Variants in MED14 observed in about 807,000 individuals in gnomAD.
MED14 encodes mediator complex subunit 14, also known as mediator of RNA polymerase II transcription subunit 14.
In MED14, 8 loss-of-function variants were observed where a neutral mutation model predicts 109.0. The ratio of observed to expected loss-of-function variants is 0.07; its 90% confidence interval spans 0.04 to 0.13. MED14 has a LOEUF of 0.13. Among genes scored for constraint, MED14 ranks in the 10% least tolerant of loss-of-function variants. MED14 has a pLI of 1.00. For synonymous variants in MED14, 399 were observed against 408.7 expected (o/e 0.98, Z 0.29); for missense variants, 711 against 1,142.4 (o/e 0.62, Z 5.44).
intron 11 of MED14, 65 bp downstream of exon 11, chrX:40,703,379 T>C: frequency 1.0e-6 from 1 of 983,541 alleles, no homozygotes; most frequent in Non-Finnish European, 1.4e-6. Flanking sequence ...ACAGAAAATG[T>C]TTATTTTGTT....
Position 40,659,347 on chromosome X carries a change from A to G in MED14, c.3865-13T>C, listed in dbSNP as rs1447397259. On this transcript the variant is annotated splice_polypyrimidine_tract_variant and intron_variant, in intron 27 of 30. Transcript: ENST00000324817. ...GTGGTCCTGCAACCTACAGGGATAA[A>G]TAAAGCAAGTTACTCTTCATTCTAC... is the stretch of plus-strand genomic sequence containing the variant. The G allele has an allele frequency of 8.5e-7, 1 of 1,175,681 alleles. No individual in the cohort carries two copies. Among genetic ancestry groups the G allele is most frequent in the African/African-American group, 1.8e-5 (1 of 56,970 alleles).
intron 22 of MED14, 83 bp from the exon 23 acceptor site, chrX:40,672,055 G>C (rs758428088): frequency 9.7e-5 from 49 of 506,471 alleles, no homozygotes; most frequent in Non-Finnish European, 1.5e-4. Context: ...TATAGCTACA[G>C]TGTTAATATT....
At chrX:40,699,551 T>C (rs1398625146) in intron 12 of MED14, among the ~76,000 whole-genome samples, 1 of 112,136 alleles carries the variant, frequency 8.9e-6, no homozygotes, top group African/African-American at 3.2e-5. Context: ...TAAGTTTACA[T>C]ACAGGCACAC....
At chrX:40,677,453 A>AC (rs748654138) in intron 21 of MED14, among the ~76,000 whole-genome samples, 5 of 110,106 alleles carry the variant, frequency 4.5e-5, no homozygotes, top group African/African-American at 1.3e-4. Flanking sequence ...TCAATACCAC[A>AC]CCCCCCCACA....
At chrX:40,730,673 A>C (rs1473489145) in intron 1 of MED14, among the ~76,000 whole-genome samples, 1 of 111,096 alleles carries the variant, frequency 9.0e-6, no homozygotes, top group Non-Finnish European at 1.9e-5. Context: ...TATTCCTCCT[A>C]ATCTATTTGA....
In MED14 at chrX:40,699,205, G is replaced by A. The variant is rs186756575; in HGVS notation, c.1490+1960C>T. ...GATTCTACTTTATATGAAATGACCA[G>A]AAAAGGCAAATAGAAAGTGGATTCA... On this transcript the variant is annotated intron_variant, in intron 12 of 30. Coordinates refer to ENST00000324817, the MANE Select transcript of MED14 (RefSeq NM_004229.4). Among the ~76,000 whole-genome samples, 547 of 112,209 alleles carry A rather than the reference G, an allele frequency of 4.9e-3. 2 individuals carry two copies. The highest frequency in any genetic ancestry group is 0.015 in the African/African-American group (467 of 30,953).
chrX:40,692,446 C>T, intron 14 of MED14, 129 bp from the exon 15 acceptor site: 1 of 552,384 alleles, frequency 1.8e-6, no homozygotes, highest in South Asian at 3.4e-5. Context: ...ATTGTATTTA[C>T]TGAGTAAATA....
chrX:40,685,357 A>G (rs1485425658), intron 16 of MED14, among the ~76,000 whole-genome samples: 1 of 112,140 alleles, frequency 8.9e-6, no homozygotes, highest in Non-Finnish European at 1.9e-5. Context: ...GAGATCACTG[A>G]CAGTGCTAGC....
chrX:40,659,661 T>C, intron 26 of MED14, 54 bp from the exon 27 acceptor site: 1 of 1,098,928 alleles, frequency 9.1e-7, no homozygotes, highest in Non-Finnish European at 1.2e-6. Context: ...AAAATGAAGA[T>C]GTTACTGAGA....
At chrX:40,735,705 A>G, upstream of MED14, 1 of 455,136 alleles carries the variant, frequency 2.2e-6, no homozygotes, top group East Asian at 4.5e-5. Context: ...CAGCTTCGCC[A>G]GACAGCCGCA....
chrX:40,662,775 G>T (rs982427158), intron 26 of MED14, 150 bp downstream of exon 26: 1 of 456,452 alleles, frequency 2.2e-6, no homozygotes. Flanking sequence ...CATTTTTAAT[G>T]CCAGGTTAGG....
chrX:40,668,404 A>AAT (rs1929594997), intron 23 of MED14, among the ~76,000 whole-genome samples: 1 of 109,021 alleles, frequency 9.2e-6, no homozygotes, highest in Non-Finnish European at 1.9e-5. Flanking sequence ...AAAAAAAAAA[A>AAT]ATCAAAGAAA....
chrX:40,716,185 CA>C (rs1446516426), intron 3 of MED14, among the ~76,000 whole-genome samples: 2 of 111,252 alleles, frequency 1.8e-5, no homozygotes, highest in Non-Finnish European at 3.8e-5. Context: ...ATCAAAAAGA[CA>C]AAAAATAACA....
intron 2 of MED14, among the ~76,000 whole-genome samples, chrX:40,728,045 G>C (rs1931948311): frequency 8.9e-6 from 1 of 111,850 alleles, no homozygotes; most frequent in South Asian, 3.7e-4. Context: ...ACAAGACTGA[G>C]ACATAGCAGA....
chrX:40,683,401 C>T (rs768421850), intron 16 of MED14, among the ~76,000 whole-genome samples: 56 of 111,772 alleles, frequency 5.0e-4, no homozygotes, highest in African/African-American at 1.8e-3. Context: ...AGTCAGAGAC[C>T]CACATTCTAA....
At chrX:40,690,159 C>T (rs1930444570) in intron 15 of MED14, among the ~76,000 whole-genome samples, 2 of 112,122 alleles carry the variant, frequency 1.8e-5, no homozygotes, top group South Asian at 7.4e-4. Flanking sequence ...CAGTCAATTA[C>T]ATAGGAAACA....
At chrX:40,720,961 A>G (rs1931692630) in intron 3 of MED14, among the ~76,000 whole-genome samples, 1 of 110,291 alleles carries the variant, frequency 9.1e-6, no homozygotes, top group Admixed American at 9.7e-5. Flanking sequence ...CTGCTGAATA[A>G]AAGAGCCCTT....
At chrX:40,693,188 C>T (rs1930597295) in intron 13 of MED14, among the ~76,000 whole-genome samples, 1 of 111,267 alleles carries the variant, frequency 9.0e-6, no homozygotes, top group African/African-American at 3.3e-5. Context: ...ATATTCACAC[C>T]TCAGCTTATA....
rs946548761 is a variant in MED14, at chrX:40,681,765, CTTATA to C, written c.2457+82_2457+86del. 3 of 496,325 alleles carry C rather than the reference CTTATA, an allele frequency of 6.0e-6. No individual in the cohort carries two copies. In the African/African-American group the frequency reaches 7.4e-5, roughly 12 times the overall value. The allele number at this position is 496,325 out of a possible 1,213,427, so 40.9% of individuals were successfully genotyped here. A position where few individuals can be genotyped will look rare whatever the true frequency, so the allele number is the denominator to read the frequency against. The stretch of plus-strand genomic sequence containing the variant: ...TCCCTAACTTTTACTTGAGCTCTTA[CTTATA>C]TTAAGGTAATTTTCATGTTTTTTTA... On this transcript the variant is annotated intron_variant, in intron 19 of 30. Transcript: ENST00000324817.
Sources: allele counts gnomAD v4.1 joint callset (sites outside exome capture counted in the v4.1 genomes callset), GRCh38; gene constraint gnomAD v4.1.1; transcripts MANE v1.5; gene names NCBI Gene and HGNC (gene_info 2026-07-23, HGNC 2026-07-21).